Variants in DRC11 observed in about 807,000 individuals in gnomAD.
DRC11 encodes the protein dynein regulatory complex subunit 11, also known as IQ and AAA domain-containing protein 1.
chr2:236,443,544 C>G, the DRC11 span, among the ~76,000 whole-genome samples: 2 of 152,216 alleles, frequency 1.3e-5, no homozygotes, highest in African/African-American at 2.4e-5. This position sits in a 1 kb window ranked among gnomAD's most constrained non-coding sequence, Gnocchi z 4.4. Flanking sequence ...CCATCCATGT[C>G]CCTGCAAAGG....
the DRC11 span, chr2:236,368,416 G>A: frequency 2.4e-5 from 15 of 626,988 alleles, no homozygotes; most frequent in Non-Finnish European, 4.0e-5. Flanking sequence ...TCAGAGCAAA[G>A]AGAATCCTAT....
At chr2:236,503,569 A>G in the DRC11 span, 1 of 1,452,094 alleles carries the variant, frequency 6.9e-7, no homozygotes, top group South Asian at 1.2e-5. This position sits in a 1 kb window ranked among gnomAD's most constrained non-coding sequence, Gnocchi z 4.9. Context: ...AGACCAGGCA[A>G]AGATTCCCGG....
chr2:236,365,651 C>T, the DRC11 span, among the ~76,000 whole-genome samples: 3 of 151,812 alleles, frequency 2.0e-5, no homozygotes, highest in Non-Finnish European at 4.4e-5. This position sits in a 1 kb window ranked among gnomAD's most constrained non-coding sequence, Gnocchi z 7.4. Flanking sequence ...TGAGTGGACC[C>T]GGGAGAGTGT....
the DRC11 span, among the ~76,000 whole-genome samples, chr2:236,386,486 T>C: frequency 1.3e-5 from 2 of 152,106 alleles, no homozygotes; most frequent in African/African-American, 4.8e-5. Flanking sequence ...GTAGTTTGTA[T>C]TTCTGTGGGA....
chr2:236,353,489 C>T, the DRC11 span, among the ~76,000 whole-genome samples: 1 of 152,092 alleles, frequency 6.6e-6, no homozygotes, highest in African/African-American at 2.4e-5. The surrounding 1 kb of genome is among the most constrained non-coding windows in gnomAD (Gnocchi z 5.0). Context: ...GTTTGTGTTT[C>T]GGCATGCATG....
At chr2:236,399,868 A>G in the DRC11 span, among the ~76,000 whole-genome samples, 1 of 152,062 alleles carries the variant, frequency 6.6e-6, no homozygotes. The surrounding 1 kb of genome is among the most constrained non-coding windows in gnomAD (Gnocchi z 7.0). Flanking sequence ...GGTGTGCACC[A>G]CCACACCTGG....
At chr2:236,500,889 A>T in the DRC11 span, among the ~76,000 whole-genome samples, 2 of 152,000 alleles carry the variant, frequency 1.3e-5, no homozygotes, top group Non-Finnish European at 2.9e-5. This position sits in a 1 kb window ranked among gnomAD's most constrained non-coding sequence, Gnocchi z 6.3. Flanking sequence ...GTAGAGACAG[A>T]GTTTCTCCAT....
chr2:236,345,490 C>T, the DRC11 span, among the ~76,000 whole-genome samples: 2 of 152,132 alleles, frequency 1.3e-5, no homozygotes, highest in Non-Finnish European at 2.9e-5. Flanking sequence ...CGCCTCTGGC[C>T]GTTCCCGGGT....
the DRC11 span, among the ~76,000 whole-genome samples, chr2:236,458,763 A>G: frequency 6.6e-6 from 1 of 152,128 alleles, no homozygotes; most frequent in South Asian, 2.1e-4. Flanking sequence ...AGAAAAAAAA[A>G]GGCCAGGCAT....
the DRC11 span, among the ~76,000 whole-genome samples, chr2:236,357,387 A>AT: frequency 5.6e-4 from 60 of 107,338 alleles, no homozygotes; most frequent in African/African-American, 2.0e-3. Flanking sequence ...TATAGTATAG[A>AT]TATTATATAG....
At chr2:236,442,321 A>G in the DRC11 span, among the ~76,000 whole-genome samples, 2 of 152,198 alleles carry the variant, frequency 1.3e-5, no homozygotes, top group East Asian at 3.8e-4. Context: ...CCGGATGCTT[A>G]TATCTGTTTC....
chr2:236,330,591 A>G, the DRC11 span, among the ~76,000 whole-genome samples: 2 of 152,232 alleles, frequency 1.3e-5, no homozygotes, highest in Admixed American at 6.5e-5. The surrounding 1 kb of genome is among the most constrained non-coding windows in gnomAD (Gnocchi z 5.5). Context: ...GATGTTAAGC[A>G]GGCTCCCAGA....
the DRC11 span, among the ~76,000 whole-genome samples, chr2:236,450,736 C>T: frequency 2.1e-5 from 3 of 140,860 alleles, no homozygotes; most frequent in Non-Finnish European, 4.7e-5. Context: ...TACTCATTTC[C>T]ATCGATTTCT....
At chr2:236,462,041 C>T in the DRC11 span, among the ~76,000 whole-genome samples, 4 of 152,050 alleles carry the variant, frequency 2.6e-5, no homozygotes, top group African/African-American at 7.2e-5. The surrounding 1 kb of genome is among the most constrained non-coding windows in gnomAD (Gnocchi z 6.4). Flanking sequence ...GTAAGGGCCT[C>T]GGTCAAAGAG....
At chr2:236,369,080 A>G in the DRC11 span, 1 of 152,246 alleles carries the variant, frequency 6.6e-6, no homozygotes, top group Non-Finnish European at 1.5e-5. The surrounding 1 kb of genome is among the most constrained non-coding windows in gnomAD (Gnocchi z 4.5). Flanking sequence ...CTGAATCTGG[A>G]GTAAAAATAT....
chr2:236,459,116 T>A, the DRC11 span, among the ~76,000 whole-genome samples: 1 of 152,106 alleles, frequency 6.6e-6, no homozygotes, highest in Admixed American at 6.5e-5. Context: ...TTAGCATCTG[T>A]AATACATATA....
chr2:236,499,062 G>A, the DRC11 span, among the ~76,000 whole-genome samples: 1 of 152,182 alleles, frequency 6.6e-6, no homozygotes, highest in African/African-American at 2.4e-5. This position sits in a 1 kb window ranked among gnomAD's most constrained non-coding sequence, Gnocchi z 4.7. Flanking sequence ...ATCCCCTGAA[G>A]GAGAAGCAAG....
the DRC11 span, among the ~76,000 whole-genome samples, chr2:236,403,909 T>C: frequency 1.3e-5 from 2 of 151,958 alleles, no homozygotes; most frequent in Non-Finnish European, 2.9e-5. Flanking sequence ...CTTCCCCCGA[T>C]GCCTTTTACT....
chr2:236,472,540 C>A, the DRC11 span, among the ~76,000 whole-genome samples: 5 of 152,132 alleles, frequency 3.3e-5, no homozygotes, highest in African/African-American at 4.8e-5. The surrounding 1 kb of genome is among the most constrained non-coding windows in gnomAD (Gnocchi z 4.6). Context: ...TGTTTTGTTG[C>A]ATGAAAAGTT....
Sources: allele counts gnomAD v4.1 joint callset (sites outside exome capture counted in the v4.1 genomes callset), GRCh38; gene constraint gnomAD v4.1.1; non-coding constraint Gnocchi (gnomAD v3.1); transcripts MANE v1.5; gene names NCBI Gene and HGNC (gene_info 2026-07-23, HGNC 2026-07-21).